The following CHD6 variants were observed in gnomAD, a reference collection of about 807,000 sequenced individuals.
The protein encoded by CHD6 is ATP-dependent chromatin remodeler CHD6.
A neutral mutation model predicts 276.9 loss-of-function variants in CHD6; 50 were observed. That is an observed-to-expected ratio of 0.18 (90% CI 0.14 to 0.23). The LOEUF (loss-of-function observed/expected upper bound fraction) is 0.23, where lower values mean the gene tolerates loss of function less well. Among genes scored for constraint, CHD6 ranks in the 10% least tolerant of loss-of-function variants. The probability of loss-of-function intolerance (pLI) is 1.00; values close to 1 mark genes in which losing one functional copy is unlikely to be tolerated. For missense variants in CHD6, 2,564 were observed against 3,365.8 expected (o/e 0.76, Z 5.89); for synonymous variants, 1,173 against 1,229.3 (o/e 0.95, Z 0.96).
intron 1 of CHD6, among the ~76,000 whole-genome samples, chr20:41,575,803 T>C (rs2045468408): frequency 6.6e-6 from 1 of 152,216 alleles, no homozygotes; most frequent in Non-Finnish European, 1.5e-5. Flanking sequence ...TGAGAAGATA[T>C]ACAGGACAGT....
intron 17 of CHD6, among the ~76,000 whole-genome samples, chr20:41,469,810 CCTTTT>C (rs1182139984): frequency 6.6e-6 from 1 of 152,204 alleles, no homozygotes; most frequent in African/African-American, 2.4e-5. Flanking sequence ...AATTGGTTTT[CCTTTT>C]AATAGTCCAG....
chr20:41,414,627 G>T, intron 34 of CHD6: 1 of 200,652 alleles, frequency 5.0e-6, no homozygotes, highest in Admixed American at 5.8e-5. Context: ...GTTTGCAAAT[G>T]ATTTCCTTTG....
At chr20:41,475,220 T>G (rs992168396) in intron 16 of CHD6, among the ~76,000 whole-genome samples, 1 of 152,208 alleles carries the variant, frequency 6.6e-6, no homozygotes, top group Non-Finnish European at 1.5e-5. Flanking sequence ...CATTTAATTC[T>G]CACAATAGTC....
At chr20:41,409,283 G>A (rs2046774303) in intron 36 of CHD6, among the ~76,000 whole-genome samples, 1 of 152,192 alleles carries the variant, frequency 6.6e-6, no homozygotes, top group African/African-American at 2.4e-5. Flanking sequence ...GGCCAGGCGG[G>A]CTTTGGCAGC....
At chr20:41,595,747 A>G (rs1056806960) in intron 1 of CHD6, among the ~76,000 whole-genome samples, 2 of 152,058 alleles carry the variant, frequency 1.3e-5, no homozygotes, top group African/African-American at 4.8e-5. Flanking sequence ...CAAATGATAA[A>G]ATATTGTTGT....
At chr20:41,456,660 C>T (rs2048385894) in intron 18 of CHD6, among the ~76,000 whole-genome samples, 2 of 152,178 alleles carry the variant, frequency 1.3e-5, no homozygotes, top group Admixed American at 1.3e-4. Flanking sequence ...AAGGTTTAAG[C>T]ATCCAATCTT....
rs1311673188 is a variant in CHD6 at position 41,413,361 on chromosome 20, T to A, written c.7094A>T (p.Gln2365Leu). 3 of 1,611,390 alleles carry A rather than the reference T, an allele frequency of 1.9e-6. No homozygotes were observed. The change falls in exon 35 of 37, where the codon CAG (glutamine) becomes CTG (leucine). Residue 2365 changes from glutamine to leucine, a missense_variant. By Grantham distance (113) the Gln-to-Leu change is moderately radical. This residue lies in a region of CHD6 where 1,024 missense variants were observed against 1,047.9 expected (regional missense o/e 0.98). Coordinates refer to ENST00000373233, the MANE Select transcript of CHD6 (RefSeq NM_032221.5). Reference protein sequence around the residue: ...SKSLLDWLRQQADYSLEVPGF... With the variant: ...SKSLLDWLRQLADYSLEVPGF... ...AGGAACTTCTAAGGAGTAGTCAGCC[T>A]GCTGCCTTAGCCAGTCAAGCAGACT... is the stretch of plus-strand genomic sequence containing the variant.
At chr20:41,463,025 G>T (rs2145727561) in intron 17 of CHD6, among the ~76,000 whole-genome samples, 1 of 152,304 alleles carries the variant, frequency 6.6e-6, no homozygotes, top group South Asian at 2.1e-4. Context: ...TACTGTGTCA[G>T]ATGTAAGAAA....
rs2043964883 is a variant in CHD6, at chr20:41,505,892, T to G, written c.853-6535A>C. 1.3e-5 allele frequency among the ~76,000 whole-genome samples: 2 copies of G among 152,152 alleles called. 1 individual carries two copies. The highest frequency in any genetic ancestry group is 4.1e-4 in the South Asian group (2 of 4,824). On this transcript the variant is annotated intron_variant, in intron 5 of 36. Transcript: ENST00000373233. ...TTAAAATATCCACTCACTAAACTCCTATCCAATCCCCCTTTCCTACCCCTC... is the reference window on the plus strand; with the variant it reads ...TTAAAATATCCACTCACTAAACTCCGATCCAATCCCCCTTTCCTACCCCTC...
intron 31 of CHD6, among the ~76,000 whole-genome samples, chr20:41,419,615 GC>G (rs2047121606): frequency 7.7e-6 from 1 of 130,228 alleles, no homozygotes; most frequent in South Asian, 2.5e-4. Context: ...GAGGGACTTA[GC>G]TTAGCTCCTC....
intron 3 of CHD6, among the ~76,000 whole-genome samples, chr20:41,531,934 T>G (rs903508171): frequency 6.6e-6 from 1 of 152,196 alleles, no homozygotes; most frequent in African/African-American, 2.4e-5. Flanking sequence ...TTTTTATGAG[T>G]GCTCTTGGTC....
At chr20:41,416,523 C>CTG in intron 33 of CHD6, 65 bp downstream of exon 33, 2 of 1,456,424 alleles carry the variant, frequency 1.4e-6, no homozygotes, top group Non-Finnish European at 1.9e-6. Context: ...TGAATGAACT[C>CTG]AACAGAGACG....
chr20:41,579,559 A>G (rs1246926180), intron 1 of CHD6, among the ~76,000 whole-genome samples: 2 of 152,174 alleles, frequency 1.3e-5, no homozygotes, highest in Non-Finnish European at 2.9e-5. Flanking sequence ...ACATCTGTAA[A>G]ACACAAAAAC....
chr20:41,526,049 A>C (rs2044527287), intron 3 of CHD6, among the ~76,000 whole-genome samples: 1 of 152,198 alleles, frequency 6.6e-6, no homozygotes. Context: ...ATAAATGAGT[A>C]GGCATTTATC....
chr20:41,416,805 G>C lies in CHD6; in HGVS notation c.6280-11C>G. The C allele has an allele frequency of 1.3e-6, 2 of 1,523,604 alleles. No homozygotes were observed. The highest frequency in any genetic ancestry group is 1.8e-6 in the Non-Finnish European group (2 of 1,131,088). The allele number at this position is 1,523,604 out of a possible 1,614,324, so 94.4% of individuals were successfully genotyped here. A position where few individuals can be genotyped will look rare whatever the true frequency, so the allele number is the denominator to read the frequency against. On this transcript the variant is annotated splice_polypyrimidine_tract_variant and intron_variant, in intron 32 of 36. Transcript: ENST00000373233. ...AATTATCACGCGGTCCTAGAAAAAA[G>C]GATAAAGCTCTGATGAATAAGGATC...
intron 5 of CHD6, among the ~76,000 whole-genome samples, chr20:41,507,350 T>C (rs2044000902): frequency 6.6e-6 from 1 of 151,804 alleles, no homozygotes; most frequent in African/African-American, 2.4e-5. Context: ...TCATAGGAAA[T>C]TTTCAAGTGA....
chr20:41,607,822 T>A (rs950374157), intron 1 of CHD6, among the ~76,000 whole-genome samples: 7 of 151,544 alleles, frequency 4.6e-5, no homozygotes, highest in African/African-American at 1.7e-4. Context: ...AGCAAAGGTT[T>A]ACTTGCTTAC....
rs1265217496 is a variant in CHD6, at chr20:41,596,299, G to GC, written c.-24+22040dup. On this transcript the variant is annotated intron_variant, in intron 1 of 36. Coordinates refer to ENST00000373233, the MANE Select transcript of CHD6 (RefSeq NM_032221.5). The stretch of plus-strand genomic sequence containing the variant: ...AGGAATGGGAATTGGCTTTGTAAAT[G>GC]CCCCCTTAACTAGTTTAGAGGTCAG... 3.3e-5 allele frequency among the ~76,000 whole-genome samples: 5 copies of GC among 152,206 alleles called. No homozygotes were observed. The East Asian group carries it at 9.7e-4, about 29-fold the overall frequency.
At chr20:41,558,616 A>T (rs1325549894) in intron 1 of CHD6, among the ~76,000 whole-genome samples, 1 of 152,168 alleles carries the variant, frequency 6.6e-6, no homozygotes, top group Non-Finnish European at 1.5e-5. Context: ...TTCTTTTTTT[A>T]AATTACTCCT....
Sources: allele counts gnomAD v4.1 joint callset (sites outside exome capture counted in the v4.1 genomes callset), GRCh38; gene constraint gnomAD v4.1.1; regional missense constraint gnomAD v4.1.1; transcripts MANE v1.5; gene names NCBI Gene and HGNC (gene_info 2026-07-23, HGNC 2026-07-21).